The following KANSL1 variants were observed in gnomAD, a reference collection of about 807,000 sequenced individuals.
KANSL1 encodes the protein KAT8 regulatory NSL complex subunit 1.
KANSL1 carries 22 observed loss-of-function variants against 103.6 expected under a neutral mutation model. The ratio of observed to expected loss-of-function variants is 0.21; its 90% CI spans 0.15 to 0.30. The LOEUF (loss-of-function observed/expected upper bound fraction) is 0.30, where lower values mean the gene tolerates loss of function less well. Among genes scored for constraint, KANSL1 ranks in the 10% least tolerant of loss-of-function variants. The probability of loss-of-function intolerance (pLI) is 1.00; values close to 1 mark genes in which losing one functional copy is unlikely to be tolerated. For missense variants in KANSL1, 1,337 were observed against 1,399.8 expected (o/e 0.96, Z 0.72); for synonymous variants, 600 against 527.6 (o/e 1.14, Z -1.88).
chr17:46,054,003 G>A (rs1460580955), intron 6 of KANSL1, among the ~76,000 whole-genome samples: 4 of 152,152 alleles, frequency 2.6e-5, no homozygotes, highest in Admixed American at 6.5e-5. Flanking sequence ...TGGTGTGCAT[G>A]TGTAGCCCTA....
At chr17:46,136,608 G>C (rs1402341524) in intron 2 of KANSL1, among the ~76,000 whole-genome samples, 3 of 152,162 alleles carry the variant, frequency 2.0e-5, no homozygotes, top group African/African-American at 7.2e-5. Flanking sequence ...ATGTCTTCCT[G>C]GCATTTCTCA....
Position 46,031,507 on chromosome 17 carries a change from G to A in KANSL1, c.3287C>T (p.Ala1096Val), listed in dbSNP as rs529738082. The A allele has an allele frequency of 2.5e-6, 4 of 1,613,244 alleles. No individual in the cohort carries two copies. Among genetic ancestry groups the A allele is most frequent in the Non-Finnish European group, 2.5e-6 (3 of 1,179,634 alleles). Residue 1096 changes from alanine to valine, a missense_variant, in exon 15 of 15, where the codon GCA becomes GTA. Ala to Val is a moderately conservative substitution (Grantham distance 64). Transcript: ENST00000432791. The part of the protein sequence containing the change: ...VPLKSRHLVA[A>V]ATAQRPTHR Reference sequence around the variant, plus strand: ...GTGAGTCGGGCGCTGAGCTGTGGCTGCTGCCACCAGATGCCGACTCTTGAG... The same window carrying A: ...GTGAGTCGGGCGCTGAGCTGTGGCTACTGCCACCAGATGCCGACTCTTGAG...
chr17:46,113,568 A>G (rs1342027551), intron 2 of KANSL1, among the ~76,000 whole-genome samples: 3 of 152,166 alleles, frequency 2.0e-5, no homozygotes, highest in Non-Finnish European at 4.4e-5. Context: ...CGCACGGTAG[A>G]TCATGCTCAA....
intron 2 of KANSL1, among the ~76,000 whole-genome samples, chr17:46,145,838 C>T (rs1208155133): frequency 6.6e-6 from 1 of 152,240 alleles, no homozygotes; most frequent in African/African-American, 2.4e-5. Flanking sequence ...AAGGGATTCT[C>T]CTGCCTCAGC....
intron 2 of KANSL1, among the ~76,000 whole-genome samples, chr17:46,156,555 G>A (rs1038405734): frequency 5.0e-4 from 76 of 152,162 alleles, no homozygotes; most frequent in Non-Finnish European, 2.2e-4. Flanking sequence ...CCTGTACCAT[G>A]TATCTAATAC....
intron 1 of KANSL1, among the ~76,000 whole-genome samples, chr17:46,174,614 G>C (rs1597882472): frequency 6.6e-6 from 1 of 152,252 alleles, no homozygotes; most frequent in Admixed American, 6.5e-5. Context: ...ACGATAAAAT[G>C]TCCAGTGAAT....
At chr17:46,224,457 T>A (rs2048623036), upstream of KANSL1, 1 of 149,394 alleles carries the variant, frequency 6.7e-6, no homozygotes, top group South Asian at 2.1e-4. Context: ...CTGCTTCGCT[T>A]AAAATGGAGG....
chr17:46,067,786 A>G (rs2078434946), intron 4 of KANSL1, 119 bp from the exon 5 acceptor site: 1 of 630,680 alleles, frequency 1.6e-6, no homozygotes, highest in Non-Finnish European at 2.8e-6. Context: ...TTTGAAAAAC[A>G]CAACTTGAAT....
chr17:46,161,427 C>T lies in KANSL1; in HGVS notation c.1289+9428G>A, dbSNP rs2045736404. ...CTCCAGCCTGGGCGACAGAGCGAGA[C>T]TCTGTCTCAAAAAAAAAAAAACCTT... On this transcript the variant is annotated intron_variant, in intron 2 of 14. Transcript: ENST00000432791. Among the ~76,000 whole-genome samples the T allele has an allele frequency of 2.0e-5, 3 of 151,112 alleles. No individual in the cohort carries two copies. In the South Asian group the frequency reaches 6.2e-4, roughly 31 times the overall value.
chr17:46,224,090 G>A (rs1449582816), upstream of KANSL1, among the ~76,000 whole-genome samples: 1 of 152,118 alleles, frequency 6.6e-6, no homozygotes, highest in Non-Finnish European at 1.5e-5. Context: ...TAATTTTCCA[G>A]GGTACTTCAT....
intron 3 of KANSL1, chr17:46,093,129 C>T (rs1429652517): frequency 2.0e-5 from 3 of 152,188 alleles, no homozygotes; most frequent in East Asian, 1.9e-4. Flanking sequence ...CACTTAACTA[C>T]TGGCTATAAA....
rs199820469 is a variant in KANSL1, at chr17:46,170,959, T to C, written c.1185A>G (p.Glu395=). Reference sequence around the variant, plus strand: ...CAGTGACATCTGAATCAAATGCCTGTTCACTGCACCTCAAGTTGGCTATGC... The same window carrying C: ...CAGTGACATCTGAATCAAATGCCTGCTCACTGCACCTCAAGTTGGCTATGC... ...ASGIANLRCS[E]QAFDSDVTDS... is the part of the protein sequence containing the mutation. The change falls in exon 2 of 15, where the codon GAA becomes GAG. Residue 395 remains glutamate (E), a synonymous_variant. Transcript: ENST00000432791. 13 of 1,614,212 alleles carry C rather than the reference T, an allele frequency of 8.1e-6. 1 individual carries two copies. In the Admixed American group the frequency reaches 2.2e-4, roughly 27 times the overall value.
intron 1 of KANSL1, among the ~76,000 whole-genome samples, chr17:46,184,915 C>G (rs1011220510): frequency 2.0e-5 from 3 of 150,480 alleles, no homozygotes; most frequent in Non-Finnish European, 4.4e-5. Context: ...TATTGGCTCA[C>G]TGCAACCTCC....
chr17:46,137,959 T>C (rs930521276), intron 2 of KANSL1, among the ~76,000 whole-genome samples: 45 of 152,104 alleles, frequency 3.0e-4, no homozygotes, highest in Admixed American at 5.9e-4. Flanking sequence ...ATGTAGTGTG[T>C]TAAAATTTGT....
At chr17:46,154,253 G>A (rs1170380990) in intron 2 of KANSL1, among the ~76,000 whole-genome samples, 1 of 152,248 alleles carries the variant, frequency 6.6e-6, no homozygotes, top group Non-Finnish European at 1.5e-5. Context: ...TGGCAATGAG[G>A]GAAGTGGGGA....
chr17:46,123,702 G>T (rs977078560), intron 2 of KANSL1, among the ~76,000 whole-genome samples: 1 of 152,232 alleles, frequency 6.6e-6, no homozygotes, highest in South Asian at 2.1e-4. Flanking sequence ...TGAGAGAGGT[G>T]AGGAAGCTGC....
At chr17:46,157,620 T>C (rs2045499071) in intron 2 of KANSL1, among the ~76,000 whole-genome samples, 1 of 152,264 alleles carries the variant, frequency 6.6e-6, no homozygotes, top group Non-Finnish European at 1.5e-5. Context: ...AAATTAAGAA[T>C]TCTCAATTGA....
intron 4 of KANSL1, among the ~76,000 whole-genome samples, chr17:46,079,752 G>A (rs923252964): frequency 6.6e-6 from 1 of 152,176 alleles, no homozygotes; most frequent in East Asian, 1.9e-4. Context: ...CAAGGCCAGC[G>A]GATTGCTTGT....
rs2077255914 is a variant in KANSL1 at position 46,039,686 on chromosome 17, G to A, written c.2203+16C>T. The A allele has an allele frequency of 2.5e-6, 4 of 1,604,352 alleles. No individual in the cohort carries two copies. The highest frequency in any genetic ancestry group is 1.3e-5 in the African/African-American group (1 of 74,566). ...CACTGATACTCTGGGGGACTTCCCGGCTCCCTGACACTTACTGGCTGTTGT... is the reference window on the plus strand; with the variant it reads ...CACTGATACTCTGGGGGACTTCCCGACTCCCTGACACTTACTGGCTGTTGT... On this transcript the variant is annotated intron_variant, in intron 8 of 14. Transcript: ENST00000432791.
Sources: gnomAD v4.1 joint callset for allele counts (sites outside exome capture counted in the v4.1 genomes callset) on GRCh38, gnomAD v4.1.1 for gene constraint, MANE v1.5 for transcripts, NCBI Gene and HGNC (gene_info 2026-07-23, HGNC 2026-07-21) for gene names.